Variants in CREB1 observed in about 807,000 individuals in gnomAD.
The protein encoded by CREB1 is cyclic AMP-responsive element-binding protein 1.
Under a neutral mutation model 42.0 loss-of-function variants are expected in CREB1, and 2 were observed. The ratio of observed to expected loss-of-function variants is 0.05; its 90% CI spans 0.02 to 0.15. The LOEUF is 0.15. Among genes scored for constraint, CREB1 ranks in the 10% least tolerant of loss-of-function variants. The probability of loss-of-function intolerance (pLI) is 1.00; values close to 1 mark genes in which losing one functional copy is unlikely to be tolerated. For synonymous variants in CREB1, 123 were observed against 139.9 expected, an observed-to-expected ratio of 0.88 and a Z score of 0.85; for missense variants, 199 against 388.9, an observed-to-expected ratio of 0.51 and a Z score of 4.11.
At chr2:207,581,950 T>C (rs1348778782) in intron 7 of CREB1, 3 of 702,728 alleles carry the variant, frequency 4.3e-6, no homozygotes, top group African/African-American at 1.7e-5. Context: ...GTGTTTTCTA[T>C]GGATAGATTG....
At chr2:207,586,984 CTG>C (rs2083960934) in intron 7 of CREB1, among the ~76,000 whole-genome samples, 1 of 152,150 alleles carries the variant, frequency 6.6e-6, no homozygotes, top group Non-Finnish European at 1.5e-5. Flanking sequence ...GAAGTAAACA[CTG>C]ATGATGCAGA....
intron 1 of CREB1, among the ~76,000 whole-genome samples, chr2:207,548,257 ATACT>A (rs1220275759): frequency 1.3e-5 from 2 of 152,182 alleles, no homozygotes; most frequent in African/African-American, 4.8e-5. Context: ...CTTCTGTTAA[ATACT>A]TCCTTCAAGA....
rs2086569503 is a variant in CREB1, at chr2:207,598,671, A to AC, written c.*1617dup. 6.1e-6 allele frequency: 1 copy of AC among 164,706 alleles called. No individual in the cohort carries two copies. The highest frequency in any genetic ancestry group is 2.4e-5 in the African/African-American group (1 of 41,828). The allele number at this position is 164,706 out of a possible 1,614,324, so 10.2% of individuals were successfully genotyped here. ...AGACCAGCCTGGCCATCATGGTGAAACCCCATCTCTACTAAAAATACAAAA... is the reference window on the plus strand; with the variant it reads ...AGACCAGCCTGGCCATCATGGTGAAACCCCCATCTCTACTAAAAATACAAAA... On this transcript the variant is annotated 3_prime_UTR_variant, in exon 8 of 8. Transcript: ENST00000353267.
chr2:207,554,415 C>T (rs1369073476), intron 1 of CREB1, among the ~76,000 whole-genome samples: 1 of 152,184 alleles, frequency 6.6e-6, no homozygotes, highest in Non-Finnish European at 1.5e-5. Context: ...CTGGAAAAGT[C>T]ATGGGCTTTT....
intron 7 of CREB1, among the ~76,000 whole-genome samples, chr2:207,582,332 C>G (rs1559057774): frequency 6.6e-6 from 1 of 152,158 alleles, no homozygotes; most frequent in Non-Finnish European, 1.5e-5. Context: ...GTAATTATTA[C>G]TATTTGCTAT....
chr2:207,534,871 A>C (rs2080804825), intron 1 of CREB1, among the ~76,000 whole-genome samples: 1 of 152,232 alleles, frequency 6.6e-6, no homozygotes, highest in Non-Finnish European at 1.5e-5. Flanking sequence ...ATATGTATGT[A>C]CAGTCTCCCC....
intron 2 of CREB1, among the ~76,000 whole-genome samples, chr2:207,556,604 C>T (rs1030570891): frequency 2.0e-5 from 3 of 152,176 alleles, no homozygotes; most frequent in Non-Finnish European, 4.4e-5. Context: ...TAGTGTGAGC[C>T]AGATACTGGA....
chr2:207,593,460 G>T (rs757753310), intron 7 of CREB1, among the ~76,000 whole-genome samples: 1 of 152,180 alleles, frequency 6.6e-6, no homozygotes, highest in East Asian at 1.9e-4. Flanking sequence ...AGCCTGGGAG[G>T]TCAAGGCTGC....
In CREB1 at chr2:207,605,011, A is replaced by C. The variant is rs1467490543; in HGVS notation, c.*7953A>C. ...TTGAGTTGTTTCTACTGTTTGGCTA[A>C]TGTTCATAGTGCTGTTATGAATGTT... On this transcript the variant is annotated 3_prime_UTR_variant, in exon 8 of 8. Transcript: ENST00000353267. Among the ~76,000 whole-genome samples, 1 of 152,226 alleles carries C rather than the reference A, an allele frequency of 6.6e-6. No individual in the cohort carries two copies. The highest frequency in any genetic ancestry group is 1.5e-5 in the Non-Finnish European group (1 of 68,046).
chr2:207,533,352 A>G (rs1574741809), intron 1 of CREB1, among the ~76,000 whole-genome samples: 1 of 152,244 alleles, frequency 6.6e-6, no homozygotes, highest in East Asian at 1.9e-4. Context: ...ATAGAGAAGT[A>G]GCTTTATTTC....
rs924734921 is a variant in CREB1 at position 207,582,207 on chromosome 2, A to G, written c.839+4552A>G. 19 of 702,774 alleles carry G rather than the reference A, an allele frequency of 2.7e-5. No individual in the cohort carries two copies. The Admixed American group carries it at 3.0e-4, about 11-fold the overall frequency. 43.5% of individuals were successfully genotyped at this position (702,774 alleles called of 1,614,324 possible). ...AAATTTGTGGTCATATGTTAAAACC[A>G]CCACAGTAATTAGGTGTATTTTAGA... On this transcript the variant is annotated intron_variant, in intron 7 of 7. Transcript: ENST00000353267.
At chr2:207,577,748 C>A in intron 7 of CREB1, 93 bp downstream of exon 7, 4 of 1,469,952 alleles carry the variant, frequency 2.7e-6, no homozygotes, top group East Asian at 2.4e-5. Context: ...GTAATAGGAT[C>A]TTTGCATTGA....
chr2:207,590,362 T>A (rs776010097), intron 7 of CREB1, among the ~76,000 whole-genome samples: 11 of 151,918 alleles, frequency 7.2e-5, no homozygotes, highest in Admixed American at 2.0e-4. Context: ...CCTTTTTTTT[T>A]AAGTCTGGCT....
Position 207,599,433 on chromosome 2 carries a change from C to CAAA in CREB1, c.*2376_*2377insAAA, listed in dbSNP as rs1310414192. 5.0e-6 allele frequency: 1 copy of CAAA among 200,088 alleles called. No individual in the cohort carries two copies. Among genetic ancestry groups the CAAA allele is most frequent in the Non-Finnish European group, 1.0e-5 (1 of 97,140 alleles). The allele number at this position is 200,088 out of a possible 1,614,324, so 12.4% of individuals were successfully genotyped here. A position where few individuals can be genotyped will look rare whatever the true frequency, so the allele number is the denominator to read the frequency against. On this transcript the variant is annotated 3_prime_UTR_variant, in exon 8 of 8. Coordinates refer to ENST00000353267, the MANE Select transcript of CREB1 (RefSeq NM_004379.5). ...TCTCTAAAGCTTTTTTTCAAAAGTTCAGGCTTTCTACTTACTGGGAAGTTG... is the reference window on the plus strand; with the variant it reads ...TCTCTAAAGCTTTTTTTCAAAAGTTCAAAAGGCTTTCTACTTACTGGGAAGTTG...
rs185996725 is a variant in CREB1 at position 207,553,484 on chromosome 2, T to G, written c.-8-2144T>G. 6.6e-5 allele frequency among the ~76,000 whole-genome samples: 10 copies of G among 151,860 alleles called. No individual in the cohort carries two copies. In the East Asian group the frequency reaches 1.9e-3, roughly 30 times the overall value. Reference sequence around the variant, plus strand: ...GAATTAATCAGTTATTATTTGATAATTTGATTATTTGATAATAACCAGAGT... The same window carrying G: ...GAATTAATCAGTTATTATTTGATAAGTTGATTATTTGATAATAACCAGAGT... On this transcript the variant is annotated intron_variant, in intron 1 of 7. Transcript: ENST00000353267.
Position 207,599,263 on chromosome 2 carries a change from T to C in CREB1, c.*2205T>C, listed in dbSNP as rs1575056840. ...TGTAACCGCATAGATATGTCATTTT[T>C]AAAAACTGGTTTAACAGAAATCAAG... On this transcript the variant is annotated 3_prime_UTR_variant, in exon 8 of 8. Coordinates refer to ENST00000353267, the MANE Select transcript of CREB1 (RefSeq NM_004379.5). 4.9e-6 allele frequency: 1 copy of C among 204,076 alleles called. No homozygotes were observed. Among genetic ancestry groups the C allele is most frequent in the Admixed American group, 6.0e-5 (1 of 16,800 alleles). The allele number at this position is 204,076 out of a possible 1,614,324, so 12.6% of individuals were successfully genotyped here.
chr2:207,582,994 GTT>G (rs1559059537), intron 7 of CREB1: 1 of 153,998 alleles, frequency 6.5e-6, no homozygotes, highest in Non-Finnish European at 1.5e-5. Context: ...TTTATATATA[GTT>G]GGCTCTGTTT....
At chr2:207,559,181 C>G (rs1559282110) in intron 2 of CREB1, 6 of 285,770 alleles carry the variant, frequency 2.1e-5, no homozygotes, top group Non-Finnish European at 3.1e-5. Flanking sequence ...GGTTATCCCA[C>G]TCTGCCATGT....
chr2:207,566,251 C>T (rs1025008701), intron 3 of CREB1, among the ~76,000 whole-genome samples: 6 of 152,092 alleles, frequency 3.9e-5, no homozygotes, highest in African/African-American at 1.4e-4. Context: ...AGGCTCAGAC[C>T]ACACATAGAG....
Sources: allele counts gnomAD v4.1 joint callset (sites outside exome capture counted in the v4.1 genomes callset), GRCh38; gene constraint gnomAD v4.1.1; transcripts MANE v1.5; gene names NCBI Gene and HGNC (gene_info 2026-07-23, HGNC 2026-07-21).